PAX3: variants seen among roughly 807,000 people sequenced by gnomAD.
PAX3 encodes the protein paired box protein Pax-3.
Under a neutral mutation model 51.6 loss-of-function variants are expected in PAX3, and 14 were observed. That is an observed-to-expected ratio of 0.27 (90% CI 0.18 to 0.42). PAX3 has a LOEUF of 0.42. Ranked by LOEUF, PAX3 falls within the 10% of genes least tolerant of loss-of-function variation. PAX3 has a pLI of 1.00. For missense variants in PAX3, 540 were observed against 642.8 expected (o/e 0.84, Z 1.73); for synonymous variants, 280 against 253.4 (o/e 1.11, Z -1.00).
intron 4 of PAX3, among the ~76,000 whole-genome samples, chr2:222,267,487 A>T (rs1408294370): frequency 6.6e-6 from 1 of 152,226 alleles, no homozygotes; most frequent in East Asian, 1.9e-4. Flanking sequence ...ATTGCAAAAA[A>T]ATCTATTCTT....
chr2:222,290,955 A>T (rs1007079982), intron 4 of PAX3, among the ~76,000 whole-genome samples: 5 of 147,094 alleles, frequency 3.4e-5, no homozygotes, highest in African/African-American at 5.0e-5. Flanking sequence ...AGAAGGGGGG[A>T]GGCGGGCTGT....
intron 4 of PAX3, among the ~76,000 whole-genome samples, chr2:222,281,786 G>C (rs1319572110): frequency 6.6e-6 from 1 of 152,114 alleles, no homozygotes; most frequent in Non-Finnish European, 1.5e-5. Flanking sequence ...AGCTGCTTTT[G>C]ATTTTTCTTA....
chr2:222,285,748 A>G (rs1226332327), intron 4 of PAX3, among the ~76,000 whole-genome samples: 2 of 152,234 alleles, frequency 1.3e-5, no homozygotes, highest in Non-Finnish European at 2.9e-5. Flanking sequence ...TGTTTCCATA[A>G]ATATGCCTAC....
chr2:222,254,128 C>T (rs1693545445), intron 4 of PAX3, among the ~76,000 whole-genome samples: 1 of 152,040 alleles, frequency 6.6e-6, no homozygotes, highest in Admixed American at 6.5e-5. Flanking sequence ...CATCCAATCT[C>T]CAGGAAATGC....
intron 3 of PAX3, among the ~76,000 whole-genome samples, chr2:222,295,020 G>A (rs1239653728): frequency 6.6e-6 from 1 of 151,696 alleles, no homozygotes; most frequent in Non-Finnish European, 1.5e-5. Flanking sequence ...GCGCCCTCTC[G>A]CTGGCCCCGT....
At chr2:222,280,387 G>T (rs1157853006) in intron 4 of PAX3, among the ~76,000 whole-genome samples, 4 of 139,370 alleles carry the variant, frequency 2.9e-5, no homozygotes, top group Non-Finnish European at 6.2e-5. Context: ...AAGGAAGGAA[G>T]GAAGGAAAAA....
intron 4 of PAX3, among the ~76,000 whole-genome samples, chr2:222,281,089 G>A (rs1426359287): frequency 1.3e-5 from 2 of 152,162 alleles, no homozygotes; most frequent in Admixed American, 1.3e-4. Context: ...CTGCATAAAA[G>A]CCAAGCACAT....
chr2:222,201,957 C>A lies in PAX3; in HGVS notation c.1407G>T (p.Gly469=). 2 of 1,614,070 alleles carry A rather than the reference C, an allele frequency of 1.2e-6. No homozygotes were observed. Among genetic ancestry groups the A allele is most frequent in the East Asian group, 2.2e-5 (1 of 44,856 alleles). ...SMDPVTGYQY[G]QYGQSAFHYL... ...TCCAAGGCTTACTTTGTCCATACTG[C>A]CCATATTGGTAGCCTGTGACAGGGT... The change falls in exon 8 of 9, where the codon GGG becomes GGT. Residue 469 remains glycine (G), a synonymous_variant. Transcript: ENST00000392070.
chr2:222,237,518 T>C (rs1692845846), intron 4 of PAX3, among the ~76,000 whole-genome samples: 1 of 152,220 alleles, frequency 6.6e-6, no homozygotes, highest in Admixed American at 6.5e-5. Flanking sequence ...ATCAATATTA[T>C]ACACCAATCC....
chr2:222,296,837 C>G lies in PAX3; in HGVS notation c.321+141G>C, dbSNP rs756621461. 19 of 721,078 alleles carry G rather than the reference C, an allele frequency of 2.6e-5. No homozygotes were observed. The African/African-American group carries it at 2.8e-4, about 11-fold the overall frequency. 44.7% of individuals were successfully genotyped at this position (721,078 alleles called of 1,614,324 possible). On this transcript the variant is annotated intron_variant, in intron 2 of 8. Transcript: ENST00000392070. ...GCGCGTGCACACGTACACACACACA[C>G]GCGCGCCTTTACGCACCTTCACAAA...
At chr2:222,288,649 G>A (rs1694918787) in intron 4 of PAX3, among the ~76,000 whole-genome samples, 1 of 152,144 alleles carries the variant, frequency 6.6e-6, no homozygotes, top group Non-Finnish European at 1.5e-5. Context: ...CATGCTTTCT[G>A]CCACACCCCC....
intron 4 of PAX3, among the ~76,000 whole-genome samples, chr2:222,254,753 T>C (rs1693572834): frequency 6.6e-6 from 1 of 152,170 alleles, no homozygotes; most frequent in Non-Finnish European, 1.5e-5. Flanking sequence ...TCTCATATAT[T>C]TAAGGCTCAC....
intron 4 of PAX3, among the ~76,000 whole-genome samples, chr2:222,267,416 C>T (rs16863611): frequency 0.013 from 2,042 of 152,092 alleles, 44 homozygotes; most frequent in African/African-American, 0.047. Flanking sequence ...TTTTAGTCAC[C>T]CTTTCAAAAG....
chr2:222,204,265 A>G (rs919989418), intron 7 of PAX3, among the ~76,000 whole-genome samples: 2 of 152,144 alleles, frequency 1.3e-5, no homozygotes, highest in African/African-American at 4.8e-5. Flanking sequence ...CCTACCCAGC[A>G]TTGTTTATAG....
chr2:222,232,056 A>G, intron 5 of PAX3, 22 bp downstream of exon 5: 1 of 1,608,876 alleles, frequency 6.2e-7, no homozygotes, highest in African/African-American at 1.3e-5. Context: ...GAAGTAGGAC[A>G]CGGAGGTTTG....
intron 4 of PAX3, chr2:222,287,401 A>T (rs1047140196): frequency 3.3e-5 from 5 of 152,166 alleles, no homozygotes; most frequent in Admixed American, 1.3e-4. Context: ...AAATGTCTGA[A>T]ATTCCTTTTC....
At chr2:222,295,726 C>T (rs1695261120) in intron 2 of PAX3, 69 bp from the exon 3 acceptor site, 3 of 1,576,258 alleles carry the variant, frequency 1.9e-6, no homozygotes, top group Non-Finnish European at 2.6e-6. Context: ...GCCCCACCGC[C>T]TCTGGGCCTG....
intron 5 of PAX3, 65 bp downstream of exon 5, chr2:222,232,013 T>G (rs2106094797): frequency 1.6e-4 from 231 of 1,440,968 alleles, no homozygotes; most frequent in Non-Finnish European, 2.0e-4. Context: ...ATGTTTTAGA[T>G]GAGAAGATGC....
At chr2:222,295,166 G>T (rs1483949537) in intron 3 of PAX3, among the ~76,000 whole-genome samples, 1 of 152,068 alleles carries the variant, frequency 6.6e-6, no homozygotes, top group East Asian at 1.9e-4. Context: ...AGTCCCTCCC[G>T]GCGCGGGCCC....
Sources: allele counts gnomAD v4.1 joint callset (sites outside exome capture counted in the v4.1 genomes callset), GRCh38; gene constraint gnomAD v4.1.1; transcripts MANE v1.5; gene names NCBI Gene and HGNC (gene_info 2026-07-23, HGNC 2026-07-21).